The following NCAM2 variants were observed in gnomAD, a reference collection of about 807,000 sequenced individuals.
The protein encoded by NCAM2 is neural cell adhesion molecule 2.
In NCAM2, 30 loss-of-function variants were observed where a neutral mutation model predicts 98.1. The observed-to-expected ratio is 0.31, with a 90% CI of 0.23 to 0.41. The LOEUF is 0.41. NCAM2 is among the 10% of genes least tolerant of loss of function. The pLI is 1.00. For missense variants in NCAM2, 867 were observed against 1,005.8 expected, an observed-to-expected ratio of 0.86 and a Z score of 1.87; for synonymous variants, 368 against 342.4, an observed-to-expected ratio of 1.07 and a Z score of -0.83.
chr21:21,409,357 C>T (rs1005034636), intron 9 of NCAM2, among the ~76,000 whole-genome samples: 2 of 151,864 alleles, frequency 1.3e-5, no homozygotes, highest in African/African-American at 2.4e-5. Flanking sequence ...GATAGGGAAT[C>T]GTAAGAATAG....
chr21:21,256,999 C>A (rs1237735840), intron 1 of NCAM2, among the ~76,000 whole-genome samples: 1 of 152,186 alleles, frequency 6.6e-6, no homozygotes, highest in Non-Finnish European at 1.5e-5. Flanking sequence ...ATTGAACCTG[C>A]AGCAATTCAT....
chr21:21,388,734 T>G (rs1203225019), intron 9 of NCAM2, among the ~76,000 whole-genome samples: 3 of 152,186 alleles, frequency 2.0e-5, no homozygotes, highest in Non-Finnish European at 4.4e-5. Flanking sequence ...ACAAATTGAG[T>G]ATGTGAATCT....
Position 21,324,447 on chromosome 21 carries a change from G to T in NCAM2, c.684G>T (p.Met228Ile), listed in dbSNP as rs937689487. Reference protein sequence around the residue: ...FNATAERGEEMTFSCRASGSP... With the variant: ...FNATAERGEEITFSCRASGSP... ...CCACAGCAGAGAGAGGAGAAGAAAT[G>T]ACATTTTCCTGCAGGGCCTCAGGCT... Residue 228 changes from methionine to isoleucine, a missense_variant, in exon 6 of 18, where the codon ATG becomes ATT. Physicochemically the swap from Met to Ile is conservative, Grantham distance 10 (BLOSUM62 1). Coordinates refer to ENST00000400546, the MANE Select transcript of NCAM2 (RefSeq NM_004540.5). 2 of 1,613,724 alleles carry T rather than the reference G, an allele frequency of 1.2e-6. No homozygotes were observed. The highest frequency in any genetic ancestry group is 1.6e-4 in the Middle Eastern group (1 of 6,062).
rs61586915 is a variant in NCAM2 at position 21,351,117 on chromosome 21, C to CAAAAA, written c.1044+12604_1044+12608dup. The stretch of plus-strand genomic sequence containing the variant: ...AGACAGAGAGAGCGAGACTCTGTCT[C>CAAAAA]AAAAAAAAAAAAAAAAAAAAAAAAA... On this transcript the variant is annotated intron_variant, in intron 8 of 17. Transcript: ENST00000400546. 8.6e-4 allele frequency among the ~76,000 whole-genome samples: 72 copies of CAAAAA among 83,728 alleles called. 3 individuals are homozygous for CAAAAA. The highest frequency in any genetic ancestry group is 2.9e-3 in the African/African-American group (59 of 20,264). 54.9% of individuals were successfully genotyped at this position (83,728 alleles called of 152,430 possible). A position where few individuals can be genotyped will look rare whatever the true frequency, so the allele number is the denominator to read the frequency against.
intron 6 of NCAM2, among the ~76,000 whole-genome samples, chr21:21,329,348 C>A (rs1443384958): frequency 1.3e-5 from 2 of 152,028 alleles, no homozygotes; most frequent in African/African-American, 4.8e-5. Flanking sequence ...TTCCAACATT[C>A]AGTATAGTAA....
intron 1 of NCAM2, among the ~76,000 whole-genome samples, chr21:21,115,505 T>C (rs955780363): frequency 3.9e-5 from 6 of 152,196 alleles, no homozygotes; most frequent in Admixed American, 6.5e-5. Flanking sequence ...TCCATCTTGG[T>C]CCTAATGGTT....
intron 15 of NCAM2, 76 bp from the exon 16 acceptor site, chr21:21,508,775 A>C: frequency 1.1e-6 from 1 of 932,676 alleles, no homozygotes. Flanking sequence ...ATCATCTAAT[A>C]TTTTCTAATT....
intron 1 of NCAM2, among the ~76,000 whole-genome samples, chr21:21,237,023 G>A (rs1283568622): frequency 1.3e-5 from 2 of 152,050 alleles, no homozygotes; most frequent in African/African-American, 4.8e-5. Flanking sequence ...GCTAACGTTA[G>A]ACTTCTGCTC....
intron 8 of NCAM2, among the ~76,000 whole-genome samples, chr21:21,343,352 T>TACACACAC (rs1207234552): frequency 0.069 from 7,551 of 109,874 alleles, 280 homozygotes; most frequent in Admixed American, 0.085. Context: ...CAACTATCTA[T>TACACACAC]ACACATACAC....
intron 6 of NCAM2, among the ~76,000 whole-genome samples, chr21:21,324,996 C>A (rs868568948): frequency 1.9e-4 from 13 of 67,802 alleles, no homozygotes; most frequent in South Asian, 8.5e-4. Context: ...ATTACCTCAT[C>A]AAATGAAATT....
chr21:21,264,939 G>A (rs1349544059), intron 1 of NCAM2, among the ~76,000 whole-genome samples: 3 of 13,926 alleles, frequency 2.2e-4, no homozygotes, highest in South Asian at 2.1e-3. Context: ...ATATATATGT[G>A]TGTGTATATA....
chr21:21,442,034 A>G (rs756781008), intron 12 of NCAM2, among the ~76,000 whole-genome samples: 3 of 152,168 alleles, frequency 2.0e-5, no homozygotes, highest in South Asian at 4.1e-4. Context: ...CCCGATATTT[A>G]CATACACATT....
chr21:21,329,427 T>C (rs2074612012), intron 6 of NCAM2, among the ~76,000 whole-genome samples: 1 of 152,190 alleles, frequency 6.6e-6, no homozygotes, highest in Non-Finnish European at 1.5e-5. Context: ...TAATAGGCTA[T>C]ATACCATCTT....
chr21:21,250,850 G>A (rs968578644), intron 1 of NCAM2, among the ~76,000 whole-genome samples: 2 of 152,144 alleles, frequency 1.3e-5, no homozygotes, highest in Admixed American at 6.5e-5. Context: ...AGTATTTAAC[G>A]AATTTCTTTC....
intron 1 of NCAM2, among the ~76,000 whole-genome samples, chr21:21,126,234 C>CAGAAAAAAAAAA (rs1358951442): frequency 1.1e-4 from 1 of 9,464 alleles, no homozygotes; most frequent in Non-Finnish European, 2.6e-4. Context: ...TATCATGGAA[C>CAGAAAAAAAAAA]ATAAAAAAAA....
At chr21:21,239,885 G>T (rs763213253) in intron 1 of NCAM2, among the ~76,000 whole-genome samples, 3 of 152,090 alleles carry the variant, frequency 2.0e-5, no homozygotes, top group Non-Finnish European at 2.9e-5. Flanking sequence ...AATGCTAATT[G>T]TGTTGGGTAA....
intron 1 of NCAM2, among the ~76,000 whole-genome samples, chr21:21,182,272 T>C (rs1400330288): frequency 6.6e-6 from 1 of 152,180 alleles, no homozygotes. Flanking sequence ...TATAATAGTG[T>C]TAAATTCCAC....
chr21:21,005,307 T>C (rs1601064761), intron 1 of NCAM2, among the ~76,000 whole-genome samples: 1 of 152,168 alleles, frequency 6.6e-6, no homozygotes, highest in African/African-American at 2.4e-5. Context: ...GAAGACTTAA[T>C]AGGATCTTAG....
At chr21:21,215,302 A>G (rs751656642) in intron 1 of NCAM2, among the ~76,000 whole-genome samples, 3 of 152,238 alleles carry the variant, frequency 2.0e-5, no homozygotes, top group Non-Finnish European at 4.4e-5. Flanking sequence ...ACACAGTCAT[A>G]GAGATGTTCT....
Sources: gnomAD v4.1 joint callset for allele counts (sites outside exome capture counted in the v4.1 genomes callset) on GRCh38, gnomAD v4.1.1 for gene constraint, MANE v1.5 for transcripts, NCBI Gene and HGNC (gene_info 2026-07-23, HGNC 2026-07-21) for gene names.